The following ARHGEF18 variants were observed in gnomAD, a reference collection of about 807,000 sequenced individuals.
ARHGEF18 encodes Rho/Rac guanine nucleotide exchange factor 18, also known as rho guanine nucleotide exchange factor 18.
Under a neutral mutation model 155.7 loss-of-function variants are expected in ARHGEF18, and 93 were observed. That is an observed-to-expected ratio of 0.60 (90% CI 0.50 to 0.71). ARHGEF18 has a LOEUF of 0.71. Among genes scored for constraint, ARHGEF18 ranks in the 30% least tolerant of loss-of-function variants. ARHGEF18 has a pLI of 0.00. For synonymous variants in ARHGEF18, 742 were observed against 753.1 expected, an observed-to-expected ratio of 0.99 and a Z score of 0.24; for missense variants, 1,593 against 1,816.1, an observed-to-expected ratio of 0.88 and a Z score of 2.23.
chr19:7,407,983 A>AAAAAAAAAAAAAAAAAAAAAAAAC (rs1555711562), intron 10 of ARHGEF18, among the ~76,000 whole-genome samples: 1 of 141,868 alleles, frequency 7.0e-6, no homozygotes, highest in African/African-American at 3.1e-5. Flanking sequence ...AAAAAAAAAA[A>AAAAAAAAAAAAAAAAAAAAAAAAC]AAAAGAGGTA....
At chr19:7,367,198 CTG>C (rs1404125992) in intron 2 of ARHGEF18, among the ~76,000 whole-genome samples, 2 of 152,218 alleles carry the variant, frequency 1.3e-5, no homozygotes, top group Non-Finnish European at 2.9e-5. Context: ...ATGGAAAAAA[CTG>C]AGGCTCAGAG....
At chr19:7,449,878 G>C (rs781243137) in intron 15 of ARHGEF18, among the ~76,000 whole-genome samples, 12 of 151,918 alleles carry the variant, frequency 7.9e-5, no homozygotes, top group Non-Finnish European at 1.6e-4. Context: ...GGGTCTTGCT[G>C]TGTTGCCCAG....
chr19:7,362,215 A>AG, intron 1 of ARHGEF18, among the ~76,000 whole-genome samples: 2 of 144,538 alleles, frequency 1.4e-5, no homozygotes, highest in East Asian at 2.0e-4. Flanking sequence ...GGAGAAAAGA[A>AG]GAGGAAGAAG....
chr19:7,427,070 G>T (rs1291234005), intron 10 of ARHGEF18, among the ~76,000 whole-genome samples: 2 of 152,238 alleles, frequency 1.3e-5, no homozygotes, highest in African/African-American at 4.8e-5. Flanking sequence ...TCGAGGTGGG[G>T]AAAACCCAGA....
intron 1 of ARHGEF18, among the ~76,000 whole-genome samples, chr19:7,351,220 G>A (rs188493229): frequency 5.1e-4 from 77 of 152,310 alleles, no homozygotes; most frequent in Non-Finnish European, 3.7e-4. Context: ...CTTCCTTCCT[G>A]AGCAGTCCCA....
intron 10 of ARHGEF18, among the ~76,000 whole-genome samples, chr19:7,398,763 G>A (rs960863765): frequency 1.3e-5 from 2 of 151,768 alleles, no homozygotes; most frequent in East Asian, 1.9e-4. Flanking sequence ...TGCTTAAATC[G>A]ACTTGAGAAT....
chr19:7,411,659 AT>A (rs772941428), intron 10 of ARHGEF18, among the ~76,000 whole-genome samples: 1 of 152,056 alleles, frequency 6.6e-6, no homozygotes, highest in Non-Finnish European at 1.5e-5. Context: ...GGTTGGTGGC[AT>A]TAAACACATA....
In ARHGEF18 at chr19:7,361,991, G is replaced by GGAAGAAGAAGAAGAAGAAGAGGAAGAA. The variant is rs1568264114; in HGVS notation, c.-110-770_-110-769insGGAAGAAGAAGAAGAAGAAGAAGAAGA. 3.3e-3 allele frequency among the ~76,000 whole-genome samples: 264 copies of GGAAGAAGAAGAAGAAGAAGAGGAAGAA among 79,174 alleles called. 14 individuals carry two copies. The highest frequency in any genetic ancestry group is 0.014 in the South Asian group (30 of 2,088). The allele number at this position is 79,174 out of a possible 152,430, so 51.9% of individuals were successfully genotyped here. The stretch of plus-strand genomic sequence containing the variant: ...TGGGGGCAACAGAGCAAGACTCTGT[G>GGAAGAAGAAGAAGAAGAAGAGGAAGAA]GAAGAAGAAGAAGAAGAAGAAGAAG... On this transcript the variant is annotated intron_variant, in intron 1 of 28. Transcript: ENST00000668164.
chr19:7,353,527 T>A (rs1600163995), intron 1 of ARHGEF18, among the ~76,000 whole-genome samples: 1 of 148,154 alleles, frequency 6.7e-6, no homozygotes, highest in Non-Finnish European at 1.5e-5. Flanking sequence ...GAGGCAGAGG[T>A]TGCAGTGAGC....
At chr19:7,380,782 T>A (rs895413894) in intron 7 of ARHGEF18, 135 bp from the exon 8 acceptor site, 3 of 445,984 alleles carry the variant, frequency 6.7e-6, no homozygotes, top group African/African-American at 6.1e-5. Context: ...ATGTCTCATA[T>A]ACAAGCCCAG....
Position 7,440,400 on chromosome 19 carries a change from T to C in ARHGEF18, c.1024T>C (p.Ser342Pro). 6.2e-7 allele frequency: 1 copy of C among 1,608,148 alleles called. No homozygotes were observed. The highest frequency in any genetic ancestry group is 2.2e-5 in the East Asian group (1 of 44,870). ...TLLSDGSPAL[S>P]RNVGMTVSQK... ...CCTGTCCGATGGCAGCCCGGCCCTG[T>C]CCAGGAATGTCGGTATGACGGTCTC... The change falls in exon 11 of 29, where the codon TCC (serine) becomes CCC (proline). Residue 342 changes from serine (S) to proline (P), a missense_variant. Coordinates refer to ENST00000668164, the MANE Select transcript of ARHGEF18 (RefSeq NM_001367823.1). The surrounding 1 kb of genome is among the most constrained non-coding windows in gnomAD (Gnocchi z 5.4).
intron 13 of ARHGEF18, among the ~76,000 whole-genome samples, chr19:7,443,168 T>C (rs957240570): frequency 1.3e-5 from 2 of 150,110 alleles, no homozygotes; most frequent in Non-Finnish European, 3.0e-5. Flanking sequence ...GCAATTCTCC[T>C]GCCTCAGCCT....
intron 10 of ARHGEF18, chr19:7,394,998 C>A: frequency 1.0e-6 from 1 of 963,498 alleles, no homozygotes; most frequent in Non-Finnish European, 1.2e-6. Context: ...CTCACCACGG[C>A]TCGGGGAGCA....
At chr19:7,399,101 C>T (rs188854689) in intron 10 of ARHGEF18, among the ~76,000 whole-genome samples, 11 of 152,284 alleles carry the variant, frequency 7.2e-5, no homozygotes, top group Middle Eastern at 3.4e-3. Flanking sequence ...TCCAGCCAAT[C>T]GCTGTTTCTT....
At chr19:7,369,058 G>A (rs556393012) in intron 2 of ARHGEF18, among the ~76,000 whole-genome samples, 6 of 152,310 alleles carry the variant, frequency 3.9e-5, no homozygotes, top group Admixed American at 1.3e-4. Flanking sequence ...GACCAGGCGC[G>A]GCGGCTCATG....
intron 22 of ARHGEF18, 97 bp from the exon 23 acceptor site, chr19:7,464,463 G>A (rs1156602470): frequency 6.8e-7 from 1 of 1,474,166 alleles, no homozygotes; most frequent in Non-Finnish European, 9.1e-7. Flanking sequence ...GGCCTAGCCT[G>A]GGTTTCCTAC....
intron 2 of ARHGEF18, among the ~76,000 whole-genome samples, chr19:7,363,712 GAAGGAAGA>G: frequency 1.3e-5 from 2 of 151,610 alleles, no homozygotes; most frequent in South Asian, 2.1e-4. Flanking sequence ...TGGAAGGAAG[GAAGGAAGA>G]AAGATGGATG....
intron 13 of ARHGEF18, among the ~76,000 whole-genome samples, chr19:7,442,461 C>T (rs1389973120): frequency 2.6e-5 from 4 of 152,084 alleles, no homozygotes; most frequent in Admixed American, 6.6e-5. Flanking sequence ...TCTCAATCTC[C>T]TGAGCTCAAG....
downstream of ARHGEF18, chr19:7,473,199 G>A (rs563901229): frequency 4.2e-5 from 19 of 456,224 alleles, no homozygotes; most frequent in South Asian, 1.9e-4. Context: ...CCAGTGAGGC[G>A]AGGACCCTGC....
Sources: gnomAD v4.1 joint callset for allele counts (sites outside exome capture counted in the v4.1 genomes callset) on GRCh38, gnomAD v4.1.1 for gene constraint, Gnocchi (gnomAD v3.1) non-coding constraint, MANE v1.5 for transcripts, NCBI Gene and HGNC (gene_info 2026-07-23, HGNC 2026-07-21) for gene names.